PGCKA1: variants seen among roughly 807,000 people sequenced by gnomAD.
PGCKA1 encodes PDCD10 and GCKIII kinases associated 1.
At chr4:37,453,894 A>G in the PGCKA1 span, 91 of 152,404 alleles carry the variant, frequency 6.0e-4, no homozygotes, top group African/African-American at 2.0e-3. Flanking sequence ...CGCGGGCCCA[A>G]TGACAGCGCT....
chr4:37,519,361 G>A, the PGCKA1 span, among the ~76,000 whole-genome samples: 1 of 152,008 alleles, frequency 6.6e-6, no homozygotes, highest in Admixed American at 6.6e-5. Context: ...GCTTTGGGTA[G>A]TATGGACATT....
At chr4:37,580,003 T>C in the PGCKA1 span, among the ~76,000 whole-genome samples, 12 of 152,208 alleles carry the variant, frequency 7.9e-5, no homozygotes, top group Admixed American at 7.2e-4. Context: ...TATTTTTAAA[T>C]AGCATGTCTT....
the PGCKA1 span, among the ~76,000 whole-genome samples, chr4:37,510,529 T>C: frequency 6.6e-6 from 1 of 152,066 alleles, no homozygotes; most frequent in Non-Finnish European, 1.5e-5. Context: ...CAGAGACTCT[T>C]GTTCTCTCCC....
chr4:37,536,118 G>C, the PGCKA1 span, among the ~76,000 whole-genome samples: 1 of 152,184 alleles, frequency 6.6e-6, no homozygotes, highest in Non-Finnish European at 1.5e-5. Flanking sequence ...AACAGAGACA[G>C]ACAACTACAT....
the PGCKA1 span, among the ~76,000 whole-genome samples, chr4:37,552,424 A>G: frequency 2.0e-5 from 3 of 152,034 alleles, no homozygotes; most frequent in African/African-American, 7.3e-5. Context: ...TCCTTCTACA[A>G]CTCAGTGTCT....
the PGCKA1 span, among the ~76,000 whole-genome samples, chr4:37,486,640 AG>A: frequency 6.6e-6 from 1 of 152,216 alleles, no homozygotes; most frequent in Non-Finnish European, 1.5e-5. Context: ...AGCTTAAGAA[AG>A]AGAAAAAAGG....
At chr4:37,480,727 C>T in the PGCKA1 span, among the ~76,000 whole-genome samples, 1 of 152,158 alleles carries the variant, frequency 6.6e-6, no homozygotes, top group Admixed American at 6.5e-5. Flanking sequence ...CTTAGGCTAG[C>T]ATCTTCCCGC....
chr4:37,520,705 C>T, the PGCKA1 span, among the ~76,000 whole-genome samples: 1 of 152,160 alleles, frequency 6.6e-6, no homozygotes, highest in East Asian at 1.9e-4. Flanking sequence ...GCAAGCTCTG[C>T]ATCCTGGCTT....
the PGCKA1 span, among the ~76,000 whole-genome samples, chr4:37,579,163 T>G: frequency 5.5e-3 from 838 of 152,114 alleles, 5 homozygotes; most frequent in African/African-American, 0.019. Flanking sequence ...AAAACAAAGA[T>G]TCTAACTTCA....
the PGCKA1 span, among the ~76,000 whole-genome samples, chr4:37,463,526 C>T: frequency 6.6e-6 from 1 of 152,172 alleles, no homozygotes; most frequent in Non-Finnish European, 1.5e-5. Flanking sequence ...GCAGCCCAGG[C>T]AGAGGCCCCA....
the PGCKA1 span, among the ~76,000 whole-genome samples, chr4:37,514,798 G>T: frequency 1.3e-5 from 2 of 152,196 alleles, no homozygotes; most frequent in Admixed American, 1.3e-4. Context: ...AGGCAGCTCA[G>T]CAGGGACTGG....
the PGCKA1 span, among the ~76,000 whole-genome samples, chr4:37,558,235 C>T: frequency 6.6e-6 from 1 of 152,212 alleles, no homozygotes; most frequent in African/African-American, 2.4e-5. Flanking sequence ...TTCTGACTCA[C>T]TCAGGTTTGA....
the PGCKA1 span, among the ~76,000 whole-genome samples, chr4:37,454,608 C>T: frequency 2.0e-4 from 31 of 152,092 alleles, no homozygotes; most frequent in South Asian, 2.1e-4. Flanking sequence ...GGAGGCCTCA[C>T]GTAGTGAAAA....
At chr4:37,565,092 A>G in the PGCKA1 span, among the ~76,000 whole-genome samples, 1 of 152,148 alleles carries the variant, frequency 6.6e-6, no homozygotes, top group East Asian at 1.9e-4. Context: ...TAGCTTCTCA[A>G]ACTTTTCCCT....
chr4:37,516,147 T>C, the PGCKA1 span, among the ~76,000 whole-genome samples: 1 of 152,194 alleles, frequency 6.6e-6, no homozygotes, highest in Non-Finnish European at 1.5e-5. Flanking sequence ...TGTGACAAGA[T>C]CTCTAAGCAA....
the PGCKA1 span, among the ~76,000 whole-genome samples, chr4:37,543,508 T>C: frequency 6.6e-6 from 1 of 151,466 alleles, no homozygotes; most frequent in East Asian, 1.9e-4. Context: ...ATCTTTATCT[T>C]TGGGACACTT....
the PGCKA1 span, among the ~76,000 whole-genome samples, chr4:37,506,301 AT>A: frequency 4.0e-5 from 6 of 150,726 alleles, no homozygotes; most frequent in East Asian, 9.8e-4. Context: ...GATCTTTATT[AT>A]TTCTTCTAAT....
chr4:37,492,884 A>G, the PGCKA1 span, among the ~76,000 whole-genome samples: 61,573 of 151,702 alleles, frequency 0.41, 12,751 homozygotes, highest in African/African-American at 0.47. The surrounding 1 kb of genome is among the most constrained non-coding windows in gnomAD (Gnocchi z 4.7). Flanking sequence ...CCTTTTGAAG[A>G]CCCTCTGCTG....
At chr4:37,482,666 T>G in the PGCKA1 span, among the ~76,000 whole-genome samples, 1 of 151,904 alleles carries the variant, frequency 6.6e-6, no homozygotes, top group Non-Finnish European at 1.5e-5. Context: ...ACCAAGACAA[T>G]GAGGACAATG....
Sources: gnomAD v4.1 joint callset for allele counts (sites outside exome capture counted in the v4.1 genomes callset) on GRCh38, gnomAD v4.1.1 for gene constraint, Gnocchi (gnomAD v3.1) non-coding constraint, MANE v1.5 for transcripts, NCBI Gene and HGNC (gene_info 2026-07-23, HGNC 2026-07-21) for gene names.